SLC14A2: variants seen among roughly 807,000 people sequenced by gnomAD.
The protein encoded by SLC14A2 is urea transporter 2.
Under a neutral mutation model 104.6 loss-of-function variants are expected in SLC14A2, and 91 were observed. The ratio of observed to expected loss-of-function variants is 0.87; its 90% CI spans 0.73 to 1.04. SLC14A2 has a LOEUF of 1.04. Among genes scored for constraint, SLC14A2 ranks in the 50% least tolerant of loss-of-function variants. SLC14A2 has a pLI of 0.00. For synonymous variants in SLC14A2, 476 were observed against 466.4 expected, an observed-to-expected ratio of 1.02 and a Z score of -0.27; for missense variants, 1,189 against 1,156.0, an observed-to-expected ratio of 1.03 and a Z score of -0.41.
chr18:45,545,361 G>A (rs1436896314), intron 2 of SLC14A2, among the ~76,000 whole-genome samples: 2 of 152,130 alleles, frequency 1.3e-5, no homozygotes, highest in Non-Finnish European at 2.9e-5. Context: ...ATTCTCTGTG[G>A]CCTCCATAAA....
At chr18:45,663,644 C>A in intron 10 of SLC14A2, 141 bp from the exon 11 acceptor site, 1 of 845,748 alleles carries the variant, frequency 1.2e-6, no homozygotes, top group Non-Finnish European at 1.8e-6. Flanking sequence ...TATGCAGAGA[C>A]TGATGCAATG....
chr18:45,305,074 G>C (rs1251317390), intron 1 of SLC14A2, among the ~76,000 whole-genome samples: 1 of 152,204 alleles, frequency 6.6e-6, no homozygotes, highest in Non-Finnish European at 1.5e-5. Flanking sequence ...CCTGACTTGT[G>C]ACCTGGGTTG....
At chr18:45,594,595 A>T (rs2044696336) in intron 2 of SLC14A2, among the ~76,000 whole-genome samples, 2 of 152,162 alleles carry the variant, frequency 1.3e-5, no homozygotes, top group South Asian at 4.1e-4. Context: ...ACAGCAGGGC[A>T]GACCCAGGCA....
chr18:45,416,822 G>C (rs1409873527), intron 1 of SLC14A2, among the ~76,000 whole-genome samples: 1 of 152,160 alleles, frequency 6.6e-6, no homozygotes, highest in Non-Finnish European at 1.5e-5. Flanking sequence ...TTGATCATTT[G>C]AATATATTTT....
Position 45,425,958 on chromosome 18 carries a change from T to G in SLC14A2, c.-124-57275T>G, listed in dbSNP as rs1214621085. ...AAGGTGCTTCTCCTCCATTATTACC[T>G]GGGATACTCTCTGGAAGTGAGGCAT... On this transcript the variant is annotated intron_variant, in intron 1 of 20. Transcript: ENST00000586448. 5.9e-5 allele frequency among the ~76,000 whole-genome samples: 9 copies of G among 151,758 alleles called. No individual in the cohort carries two copies. In the East Asian group the frequency reaches 1.7e-3, roughly 29 times the overall value.
upstream of SLC14A2, among the ~76,000 whole-genome samples, chr18:45,612,530 G>A (rs1033246092): frequency 1.3e-5 from 2 of 152,208 alleles, no homozygotes; most frequent in Non-Finnish European, 2.9e-5. Context: ...CTTAATATGT[G>A]CTAGGCACTG....
intron 4 of SLC14A2, among the ~76,000 whole-genome samples, chr18:45,631,280 G>A (rs1017115503): frequency 3.3e-5 from 5 of 152,236 alleles, no homozygotes; most frequent in African/African-American, 1.2e-4. Flanking sequence ...AACTAAGGCA[G>A]GTGCAGAGGG....
At chr18:45,464,655 T>A (rs968112529) in intron 1 of SLC14A2, among the ~76,000 whole-genome samples, 2 of 152,160 alleles carry the variant, frequency 1.3e-5, no homozygotes, top group African/African-American at 4.8e-5. Flanking sequence ...TGCTAGAAAG[T>A]CTAGAGGGAC....
intron 1 of SLC14A2, among the ~76,000 whole-genome samples, chr18:45,269,996 G>A (rs553737625): frequency 2.0e-5 from 3 of 152,176 alleles, no homozygotes; most frequent in African/African-American, 7.2e-5. Context: ...CCTATAGTTT[G>A]AGGAGAAAAA....
At chr18:45,396,191 A>G (rs919492329) in intron 1 of SLC14A2, among the ~76,000 whole-genome samples, 3 of 152,118 alleles carry the variant, frequency 2.0e-5, no homozygotes, top group African/African-American at 7.2e-5. Context: ...ATTAAAATGC[A>G]TATTGTTTAT....
chr18:45,575,509 C>T (rs1245855391), intron 2 of SLC14A2, among the ~76,000 whole-genome samples: 1 of 152,022 alleles, frequency 6.6e-6, no homozygotes, highest in Non-Finnish European at 1.5e-5. Context: ...ACTAGGCACC[C>T]GCAGATCTAG....
At chr18:45,504,120 G>T (rs1193138228) in intron 2 of SLC14A2, among the ~76,000 whole-genome samples, 1 of 152,212 alleles carries the variant, frequency 6.6e-6, no homozygotes, top group Non-Finnish European at 1.5e-5. Context: ...TGTTCCAATA[G>T]TTCCAGCTGT....
intron 2 of SLC14A2, among the ~76,000 whole-genome samples, chr18:45,551,450 C>G (rs148762742): frequency 3.9e-5 from 6 of 152,364 alleles, no homozygotes; most frequent in Admixed American, 1.3e-4. Context: ...AATAAGAAAA[C>G]AGCTACCGCT....
intron 17 of SLC14A2, 33 bp downstream of exon 17, chr18:45,673,080 G>T (rs1259417190): frequency 1.2e-6 from 2 of 1,603,852 alleles, no homozygotes; most frequent in Non-Finnish European, 1.7e-6. Context: ...GCTGTGAGGG[G>T]GTTAGAGCCT....
At chr18:45,668,061 G>A in intron 14 of SLC14A2, 39 bp downstream of exon 14, 4 of 1,582,428 alleles carry the variant, frequency 2.5e-6, no homozygotes, top group Non-Finnish European at 3.5e-6. Flanking sequence ...ATGTAGCCAA[G>A]AAGTCACTCC....
chr18:45,212,406 A>G (rs921254882), upstream of SLC14A2, among the ~76,000 whole-genome samples: 3 of 152,196 alleles, frequency 2.0e-5, no homozygotes, highest in Non-Finnish European at 4.4e-5. Context: ...AAGTTCCTTA[A>G]CCTATACAAA....
intron 1 of SLC14A2, among the ~76,000 whole-genome samples, chr18:45,617,844 A>G (rs2045097726): frequency 6.6e-6 from 1 of 152,178 alleles, no homozygotes; most frequent in Non-Finnish European, 1.5e-5. Context: ...AGGTCCTTTC[A>G]GAATGATGCT....
At chr18:45,365,171 C>T (rs1383344681) in intron 1 of SLC14A2, among the ~76,000 whole-genome samples, 2 of 152,230 alleles carry the variant, frequency 1.3e-5, no homozygotes, top group Non-Finnish European at 2.9e-5. Context: ...TACACCAAAA[C>T]CTCTGCTTCT....
chr18:45,417,450 C>A (rs1306243239), intron 1 of SLC14A2, among the ~76,000 whole-genome samples: 1 of 152,144 alleles, frequency 6.6e-6, no homozygotes, highest in Non-Finnish European at 1.5e-5. Flanking sequence ...AGGAAACTTA[C>A]AATCGTGGCA....
Sources: gnomAD v4.1 joint callset for allele counts (sites outside exome capture counted in the v4.1 genomes callset) on GRCh38, gnomAD v4.1.1 for gene constraint, MANE v1.5 for transcripts, NCBI Gene and HGNC (gene_info 2026-07-23, HGNC 2026-07-21) for gene names.